The following ANO3 variants were observed in gnomAD, a reference collection of about 807,000 sequenced individuals.
ANO3 encodes anoctamin 3, also known as anoctamin-3.
ANO3 carries 99 observed loss-of-function variants against 144.8 expected under a neutral mutation model. The ratio of observed to expected loss-of-function variants is 0.68; its 90% CI spans 0.58 to 0.81. The LOEUF (loss-of-function observed/expected upper bound fraction) is 0.81, where lower values mean the gene tolerates loss of function less well. Ranked by LOEUF, ANO3 falls within the 30% of genes least tolerant of loss-of-function variation. ANO3 has a pLI of 0.00. For missense variants in ANO3, 905 were observed against 1,202.2 expected, an observed-to-expected ratio of 0.75 and a Z score of 3.66; for synonymous variants, 414 against 392.6, an observed-to-expected ratio of 1.05 and a Z score of -0.64.
intron 14 of ANO3, among the ~76,000 whole-genome samples, chr11:26,578,347 G>C (rs1330987805): frequency 6.6e-6 from 1 of 152,128 alleles, no homozygotes; most frequent in Non-Finnish European, 1.5e-5. Flanking sequence ...TGAGGAGCAA[G>C]AAATTCACTA....
At chr11:26,215,182 C>A (rs140325935) in intron 1 of ANO3, among the ~76,000 whole-genome samples, 1 of 152,064 alleles carries the variant, frequency 6.6e-6, no homozygotes, top group Non-Finnish European at 1.5e-5. Context: ...GCTCACTGTG[C>A]ATAGCCCACA....
At chr11:26,476,951 GA>G in intron 4 of ANO3, among the ~76,000 whole-genome samples, 1 of 147,624 alleles carries the variant, frequency 6.8e-6, no homozygotes, top group African/African-American at 2.5e-5. Context: ...GAGAGAGAGA[GA>G]CTTTTAATAC....
chr11:26,314,309 T>C (rs1854572268), intron 1 of ANO3, among the ~76,000 whole-genome samples: 1 of 152,210 alleles, frequency 6.6e-6, no homozygotes, highest in Non-Finnish European at 1.5e-5. Context: ...TTACATATGT[T>C]ACTTAATTCA....
At chr11:26,583,037 A>G (rs758916961) in intron 14 of ANO3, among the ~76,000 whole-genome samples, 2 of 152,196 alleles carry the variant, frequency 1.3e-5, no homozygotes, top group Non-Finnish European at 2.9e-5. Flanking sequence ...TAGCAATTCA[A>G]TTGAGAGTAT....
chr11:26,609,809 C>G (rs10835015), intron 17 of ANO3, among the ~76,000 whole-genome samples: 38,811 of 152,038 alleles, frequency 0.26, 5,865 homozygotes, highest in South Asian at 0.46. Flanking sequence ...TTCTGAGGAA[C>G]CTTCATAGAG....
At chr11:26,561,781 T>G (rs1396444433) in intron 14 of ANO3, among the ~76,000 whole-genome samples, 1 of 152,010 alleles carries the variant, frequency 6.6e-6, no homozygotes, top group Non-Finnish European at 1.5e-5. Flanking sequence ...GATGTGGAAA[T>G]TTAGTTTTCT....
At chr11:26,591,362 GC>G (rs1316640127) in intron 14 of ANO3, among the ~76,000 whole-genome samples, 2 of 152,144 alleles carry the variant, frequency 1.3e-5, no homozygotes, top group African/African-American at 4.8e-5. Context: ...CAGAGCATGG[GC>G]TAGCAGGCTG....
intron 1 of ANO3, among the ~76,000 whole-genome samples, chr11:26,434,569 A>G (rs1461829447): frequency 6.6e-6 from 1 of 152,184 alleles, no homozygotes; most frequent in African/African-American, 2.4e-5. Flanking sequence ...ATTTAGTGCT[A>G]TAAATTTCCC....
At chr11:26,577,434 A>T (rs1201094411) in intron 14 of ANO3, among the ~76,000 whole-genome samples, 1 of 152,046 alleles carries the variant, frequency 6.6e-6, no homozygotes, top group South Asian at 2.1e-4. Context: ...ATGGTGGCAG[A>T]TGCCTGTAAT....
chr11:26,438,619 A>G (rs1220618221), intron 1 of ANO3, among the ~76,000 whole-genome samples: 2 of 149,164 alleles, frequency 1.3e-5, no homozygotes, highest in Non-Finnish European at 3.0e-5. Context: ...GAAAAAAAAA[A>G]AAAAAGAAAA....
chr11:26,263,100 G>C (rs11029453), intron 1 of ANO3, among the ~76,000 whole-genome samples: 3,049 of 152,210 alleles, frequency 0.02, 62 homozygotes, highest in East Asian at 0.12. Flanking sequence ...CCCTGCCAGT[G>C]CTTCCTCTCG....
chr11:26,227,183 A>T (rs1327614237), intron 1 of ANO3, among the ~76,000 whole-genome samples: 1 of 152,142 alleles, frequency 6.6e-6, no homozygotes, highest in Non-Finnish European at 1.5e-5. Context: ...CATTTTGTTT[A>T]TCCTTTCACC....
intron 1 of ANO3, among the ~76,000 whole-genome samples, chr11:26,413,381 G>T (rs1479121395): frequency 6.6e-6 from 1 of 151,878 alleles, no homozygotes; most frequent in African/African-American, 2.4e-5. Flanking sequence ...AATATTTGAA[G>T]GTAAGGATGC....
chr11:26,585,158 G>A lies in ANO3; in HGVS notation c.1448-13207G>A, dbSNP rs79853332. ...AGGAGCTGATAAACTTTCCAGAGTG[G>A]TTAAAAAGAACATAGGCAGCACACA... is the stretch of plus-strand genomic sequence containing the variant. On this transcript the variant is annotated intron_variant, in intron 14 of 26. Coordinates refer to ENST00000256737, the MANE Select transcript of ANO3 (RefSeq NM_031418.4). Among the ~76,000 whole-genome samples the A allele has an allele frequency of 2.1e-3, 318 of 152,218 alleles. 10 individuals are homozygous for A. The East Asian group carries it at 0.057, about 27-fold the overall frequency.
intron 3 of ANO3, among the ~76,000 whole-genome samples, chr11:26,447,544 C>T (rs565039001): frequency 6.6e-6 from 1 of 152,260 alleles, no homozygotes; most frequent in African/African-American, 2.4e-5. Flanking sequence ...TTTCCAAAGA[C>T]ACTAGTTCTG....
intron 20 of ANO3, among the ~76,000 whole-genome samples, chr11:26,636,486 A>G (rs980932336): frequency 6.6e-6 from 1 of 152,188 alleles, no homozygotes; most frequent in African/African-American, 2.4e-5. Flanking sequence ...ATGCTAGTGT[A>G]CTCCAGCAAT....
intron 3 of ANO3, among the ~76,000 whole-genome samples, chr11:26,453,888 A>G (rs1054234674): frequency 1.3e-5 from 2 of 152,188 alleles, no homozygotes; most frequent in South Asian, 4.1e-4. Flanking sequence ...CCCGGACCAC[A>G]GTACAATCAA....
At chr11:26,290,664 T>C (rs1853935699) in intron 1 of ANO3, among the ~76,000 whole-genome samples, 1 of 152,244 alleles carries the variant, frequency 6.6e-6, no homozygotes, top group Non-Finnish European at 1.5e-5. Context: ...CAATTCATTA[T>C]TTACCCAGTA....
chr11:26,654,070 T>A (rs1853611642), intron 24 of ANO3, among the ~76,000 whole-genome samples: 1 of 152,178 alleles, frequency 6.6e-6, no homozygotes, highest in African/African-American at 2.4e-5. Context: ...TTACTGTAAC[T>A]TTACAGTAAG....
Sources: allele counts gnomAD v4.1 joint callset (sites outside exome capture counted in the v4.1 genomes callset), GRCh38; gene constraint gnomAD v4.1.1; transcripts MANE v1.5; gene names NCBI Gene and HGNC (gene_info 2026-07-23, HGNC 2026-07-21).